Variants in DNAJC10 observed in about 807,000 individuals in gnomAD.
The protein encoded by DNAJC10 is endoplasmic reticulum disulfide reductase DNAJC10.
DNAJC10 carries 101 observed loss-of-function variants against 115.0 expected under a neutral mutation model. That is an observed-to-expected ratio of 0.88 (90% CI 0.75 to 1.04). The LOEUF is 1.04. Ranked by LOEUF, DNAJC10 falls within the 50% of genes least tolerant of loss-of-function variation. The pLI, the probability that DNAJC10 is intolerant of heterozygous loss-of-function variation, is 0.00. For missense variants in DNAJC10, 981 were observed against 928.8 expected (o/e 1.06, Z -0.73); for synonymous variants, 307 against 301.5 (o/e 1.02, Z -0.19).
intron 5 of DNAJC10, among the ~76,000 whole-genome samples, chr2:182,725,326 G>A (rs765136068): frequency 1.8e-4 from 27 of 152,174 alleles, no homozygotes; most frequent in Non-Finnish European, 2.6e-4. Flanking sequence ...AAGTGGAAGA[G>A]ATGCACATCT....
chr2:182,767,913 T>C (rs1694456332), intron 22 of DNAJC10, among the ~76,000 whole-genome samples: 1 of 152,088 alleles, frequency 6.6e-6, no homozygotes, highest in Admixed American at 6.6e-5. Flanking sequence ...AGTTACATTC[T>C]CATGCACAAA....
At chr2:182,742,858 T>C (rs1221656014) in intron 13 of DNAJC10, among the ~76,000 whole-genome samples, 2 of 152,040 alleles carry the variant, frequency 1.3e-5, no homozygotes, top group African/African-American at 4.8e-5. Context: ...TTTTCTTTTT[T>C]TTTAATGCAG....
rs1693191235 is a variant in DNAJC10 at position 182,722,984 on chromosome 2, A to T, written c.418+909A>T. Among the ~76,000 whole-genome samples the T allele has an allele frequency of 4.6e-5, 7 of 151,188 alleles. No individual in the cohort carries two copies. The South Asian group carries it at 1.5e-3, about 31-fold the overall frequency. Reference sequence around the variant, plus strand: ...TGTTTTTCATATATTATCGTTAAAAATTTATTACAGCTACTTGATTTTATA... The same window carrying T: ...TGTTTTTCATATATTATCGTTAAAATTTTATTACAGCTACTTGATTTTATA... On this transcript the variant is annotated intron_variant, in intron 5 of 23. Coordinates refer to ENST00000264065, the MANE Select transcript of DNAJC10 (RefSeq NM_018981.4).
intron 14 of DNAJC10, among the ~76,000 whole-genome samples, chr2:182,750,303 G>T (rs551723648): frequency 1.2e-3 from 179 of 152,282 alleles, no homozygotes; most frequent in Middle Eastern, 3.4e-3. Flanking sequence ...CTAGGTTATT[G>T]CAGAAGGCCA....
At chr2:182,775,460 C>T (rs1286687764) in intron 23 of DNAJC10, 40 bp downstream of exon 23, 1 of 1,289,210 alleles carries the variant, frequency 7.8e-7, no homozygotes, top group Non-Finnish European at 1.1e-6. Flanking sequence ...CAAAAGTTGG[C>T]AAAAGTTAGC....
rs1207682598 is a variant in DNAJC10 at position 182,779,920 on chromosome 2, A to G, written c.*2788A>G. On this transcript the variant is annotated 3_prime_UTR_variant, in exon 24 of 24. Coordinates refer to ENST00000264065, the MANE Select transcript of DNAJC10 (RefSeq NM_018981.4). Reference sequence around the variant, plus strand: ...AGAATATTTGTGTAATATTTAGTCTAGTGTTAGTCCTTAAATCTGCCAACA... The same window carrying G: ...AGAATATTTGTGTAATATTTAGTCTGGTGTTAGTCCTTAAATCTGCCAACA... The G allele has an allele frequency of 6.6e-6, 1 of 152,176 alleles. No homozygotes were observed. Among genetic ancestry groups the G allele is most frequent in the Non-Finnish European group, 1.5e-5 (1 of 68,040 alleles). 9.4% of individuals were successfully genotyped at this position (152,176 alleles called of 1,614,324 possible). A position where few individuals can be genotyped will look rare whatever the true frequency, so the allele number is the denominator to read the frequency against.
rs1341313223 is a variant in DNAJC10, at chr2:182,758,866, A to T, written c.1973A>T (p.Tyr658Phe). 3.1e-6 allele frequency: 5 copies of T among 1,608,328 alleles called. No individual in the cohort carries two copies. Among genetic ancestry groups the T allele is most frequent in the Non-Finnish European group, 4.3e-6 (5 of 1,174,960 alleles). ...TACAATGGTTGGAATAGGGATGCTTATTCCCTGAGAATCTGGGGTCTAGGG... is the reference window on the plus strand; with the variant it reads ...TACAATGGTTGGAATAGGGATGCTTTTTCCCTGAGAATCTGGGGTCTAGGG... The part of the protein sequence containing the change: ...HSYNGWNRDA[Y>F]SLRIWGLGFL... The change falls in exon 20 of 24, where the codon TAT becomes TTT. Residue 658 changes from tyrosine to phenylalanine, a missense_variant. Coordinates refer to ENST00000264065, the MANE Select transcript of DNAJC10 (RefSeq NM_018981.4).
At chr2:182,750,783 T>A (rs1261424573) in intron 14 of DNAJC10, among the ~76,000 whole-genome samples, 1 of 152,210 alleles carries the variant, frequency 6.6e-6, no homozygotes, top group African/African-American at 2.4e-5. Context: ...GGGTAATGTG[T>A]TGCACTACAG....
At chr2:182,752,425 C>T (rs901375062) in intron 16 of DNAJC10, 61 of 337,906 alleles carry the variant, frequency 1.8e-4, no homozygotes, top group African/African-American at 1.0e-3. Flanking sequence ...CAAACTCAGG[C>T]AACTATTTTC....
chr2:182,722,076 G>C lies in DNAJC10; in HGVS notation c.418+1G>C, dbSNP rs1693164951. ...ATAACATTGGAAAGAAGAGAATTTG[G>C]TAAGTTTGTGGGCTTAAGGTTTTAT... On this transcript the variant is annotated splice_donor_variant, in intron 5 of 23. Coordinates refer to ENST00000264065, the MANE Select transcript of DNAJC10 (RefSeq NM_018981.4). LOFTEE classifies it high-confidence loss of function. The C allele has an allele frequency of 6.4e-7, 1 of 1,564,188 alleles. No individual in the cohort carries two copies. Among genetic ancestry groups the C allele is most frequent in the African/African-American group, 1.4e-5 (1 of 72,874 alleles).
At chr2:182,724,318 T>C (rs538634863) in intron 5 of DNAJC10, among the ~76,000 whole-genome samples, 4 of 152,328 alleles carry the variant, frequency 2.6e-5, no homozygotes, top group African/African-American at 9.6e-5. Flanking sequence ...TTATATTTTA[T>C]CTGTAAAATG....
At chr2:182,740,571 A>G (rs755402616) in intron 12 of DNAJC10, among the ~76,000 whole-genome samples, 183 bp downstream of exon 12, 15 of 152,200 alleles carry the variant, frequency 9.9e-5, no homozygotes, top group Non-Finnish European at 2.1e-4. Context: ...TTGCTAATTC[A>G]GGATGGATCT....
At chr2:182,751,515 G>C in intron 14 of DNAJC10, 143 bp from the exon 15 acceptor site, 1 of 861,610 alleles carries the variant, frequency 1.2e-6, no homozygotes, top group Non-Finnish European at 1.8e-6. Flanking sequence ...GCCCTGTATA[G>C]TATACAGCAC....
chr2:182,731,102 G>C lies in DNAJC10; in HGVS notation c.800G>C (p.Gly267Ala), dbSNP rs1365451205. The change falls in exon 9 of 24, where the codon GGA (glycine) becomes GCA (alanine). Residue 267 changes from glycine to alanine, a missense_variant. Coordinates refer to ENST00000264065, the MANE Select transcript of DNAJC10 (RefSeq NM_018981.4). ...IGWLITFCSKGGDCLTSQTRL... is the reference protein window; with the variant it reads ...IGWLITFCSKAGDCLTSQTRL... ...TGGCTGATCACTTTTTGTTCAAAAG[G>C]AGGAGGTAATACTATTTTTTAATTT... 1.2e-6 allele frequency: 2 copies of C among 1,611,120 alleles called. No individual in the cohort carries two copies. Among genetic ancestry groups the C allele is most frequent in the African/African-American group, 2.7e-5 (2 of 74,824 alleles).
intron 20 of DNAJC10, 132 bp from the exon 21 acceptor site, chr2:182,759,028 A>G: frequency 2.0e-6 from 2 of 1,018,182 alleles, no homozygotes; most frequent in East Asian, 2.6e-5. Context: ...ATTAACCAAG[A>G]TAGTACTGTA....
intron 13 of DNAJC10, among the ~76,000 whole-genome samples, chr2:182,742,319 A>C (rs1293082712): frequency 1.3e-5 from 2 of 152,128 alleles, no homozygotes; most frequent in African/African-American, 4.8e-5. Context: ...CCTCCAGAGT[A>C]GCTGGGACTA....
chr2:182,732,646 C>T lies in DNAJC10; in HGVS notation c.849+104C>T, dbSNP rs566700799. On this transcript the variant is annotated intron_variant, in intron 10 of 23. Transcript: ENST00000264065. ...CCTTATTTCTTGAACATTTAACTCA[C>T]CTATTTGTAATCTTATTTTCTGATG... is the stretch of plus-strand genomic sequence containing the variant. The T allele has an allele frequency of 1.3e-5, 14 of 1,110,060 alleles. No individual in the cohort carries two copies. In the Admixed American group the frequency reaches 2.7e-4, roughly 21 times the overall value. The allele number at this position is 1,110,060 out of a possible 1,614,324, so 68.8% of individuals were successfully genotyped here.
At chr2:182,744,869 T>C (rs532028118) in intron 14 of DNAJC10, among the ~76,000 whole-genome samples, 46 of 152,330 alleles carry the variant, frequency 3.0e-4, no homozygotes, top group African/African-American at 1.1e-3. Flanking sequence ...ATGACTAAGT[T>C]TTAATAATGG....
intron 22 of DNAJC10, among the ~76,000 whole-genome samples, chr2:182,774,513 G>A (rs1017681860): frequency 6.6e-6 from 1 of 152,206 alleles, no homozygotes; most frequent in Non-Finnish European, 1.5e-5. Flanking sequence ...CCCAGTTTGA[G>A]CATCCCTTTC....
Sources: allele counts gnomAD v4.1 joint callset (sites outside exome capture counted in the v4.1 genomes callset), GRCh38; gene constraint gnomAD v4.1.1; transcripts MANE v1.5; gene names NCBI Gene and HGNC (gene_info 2026-07-23, HGNC 2026-07-21).